ITGA2: variants seen among roughly 807,000 people sequenced by gnomAD.
ITGA2 encodes integrin subunit alpha 2.
Under a neutral mutation model 146.3 loss-of-function variants are expected in ITGA2, and 101 were observed. The observed-to-expected ratio is 0.69, with a 90% CI of 0.59 to 0.81. The LOEUF (loss-of-function observed/expected upper bound fraction) is 0.81, where lower values mean the gene tolerates loss of function less well. Ranked by LOEUF, ITGA2 falls within the 40% of genes least tolerant of loss-of-function variation. ITGA2 has a pLI of 0.00. For synonymous variants in ITGA2, 477 were observed against 487.1 expected, an observed-to-expected ratio of 0.98 and a Z score of 0.27; for missense variants, 1,281 against 1,402.7, an observed-to-expected ratio of 0.91 and a Z score of 1.39.
At chr5:52,991,301 T>G (rs1416261134) in intron 1 of ITGA2, among the ~76,000 whole-genome samples, 1 of 152,158 alleles carries the variant, frequency 6.6e-6, no homozygotes, top group Non-Finnish European at 1.5e-5. Context: ...CAGCATCGTT[T>G]TTTGGTACCA....
intron 1 of ITGA2, among the ~76,000 whole-genome samples, chr5:53,002,619 C>T (rs1741637732): frequency 6.6e-6 from 1 of 152,106 alleles, no homozygotes; most frequent in African/African-American, 2.4e-5. Flanking sequence ...TAGGTTGTTT[C>T]CTGTGGGATA....
intron 2 of ITGA2, among the ~76,000 whole-genome samples, chr5:53,027,800 G>A (rs1342152018): frequency 6.6e-6 from 1 of 152,200 alleles, no homozygotes; most frequent in Non-Finnish European, 1.5e-5. Flanking sequence ...CGTAATGTAT[G>A]GCCAAGTGCA....
intron 2 of ITGA2, among the ~76,000 whole-genome samples, chr5:53,027,448 C>A (rs1192801143): frequency 3.3e-5 from 5 of 152,176 alleles, no homozygotes; most frequent in Non-Finnish European, 4.4e-5. Context: ...TTTTTACATG[C>A]TATGTGATGG....
intron 1 of ITGA2, among the ~76,000 whole-genome samples, chr5:52,991,493 T>C (rs1481999567): frequency 6.6e-6 from 1 of 152,134 alleles, no homozygotes; most frequent in Non-Finnish European, 1.5e-5. Context: ...AAAATTCAAA[T>C]TTAAAAGCTA....
intron 2 of ITGA2, among the ~76,000 whole-genome samples, chr5:53,028,431 C>T (rs889158915): frequency 6.6e-6 from 1 of 152,136 alleles, no homozygotes; most frequent in Non-Finnish European, 1.5e-5. Flanking sequence ...CAAAGATTGG[C>T]AATTATTGTA....
chr5:53,082,243 T>C (rs1017049812), intron 26 of ITGA2, among the ~76,000 whole-genome samples: 3 of 152,188 alleles, frequency 2.0e-5, no homozygotes, highest in Admixed American at 2.0e-4. Context: ...TCGGCACATA[T>C]TAAATATTCA....
chr5:53,087,358 T>G (rs1238680645), intron 28 of ITGA2, among the ~76,000 whole-genome samples: 1 of 152,210 alleles, frequency 6.6e-6, no homozygotes, highest in Admixed American at 6.5e-5. Context: ...TTCTCATGAC[T>G]AAGCCAGCAG....
chr5:53,051,709 C>A, intron 7 of ITGA2, 150 bp downstream of exon 7: 1 of 808,382 alleles, frequency 1.2e-6, no homozygotes, highest in Non-Finnish European at 2.0e-6. Context: ...AACATCAGAG[C>A]ATTCTATGTC....
intron 1 of ITGA2, among the ~76,000 whole-genome samples, chr5:53,010,612 T>G (rs997508779): frequency 6.6e-6 from 1 of 152,174 alleles, no homozygotes; most frequent in Non-Finnish European, 1.5e-5. Flanking sequence ...TTGGGACTTT[T>G]GAGCTGACAA....
intron 27 of ITGA2, among the ~76,000 whole-genome samples, chr5:53,084,013 T>C (rs553624481): frequency 6.6e-6 from 1 of 152,308 alleles, no homozygotes; most frequent in East Asian, 1.9e-4. Context: ...ACTTTCTAAA[T>C]CATCTCAATC....
At chr5:53,057,791 C>G (rs1744710225) in intron 9 of ITGA2, among the ~76,000 whole-genome samples, 1 of 151,824 alleles carries the variant, frequency 6.6e-6, no homozygotes, top group Non-Finnish European at 1.5e-5. Flanking sequence ...AAAGTTAATG[C>G]CAACTTTGAA....
At chr5:53,052,020 G>A (rs1291464385) in intron 7 of ITGA2, among the ~76,000 whole-genome samples, 1 of 151,942 alleles carries the variant, frequency 6.6e-6, no homozygotes, top group Non-Finnish European at 1.5e-5. Flanking sequence ...AACTATACAG[G>A]ACTCTCTTGA....
intron 2 of ITGA2, among the ~76,000 whole-genome samples, chr5:53,039,813 A>T (rs1743694993): frequency 6.6e-6 from 1 of 151,632 alleles, no homozygotes; most frequent in Non-Finnish European, 1.5e-5. Flanking sequence ...CTCTTTTTTA[A>T]ATGATAGCAT....
At chr5:52,995,273 G>A (rs536635698) in intron 1 of ITGA2, among the ~76,000 whole-genome samples, 1 of 152,288 alleles carries the variant, frequency 6.6e-6, no homozygotes, top group East Asian at 1.9e-4. Context: ...GCAGGGGAGT[G>A]ACATGATCAG....
At chr5:53,049,379 A>C (rs893539831) in intron 6 of ITGA2, among the ~76,000 whole-genome samples, 1 of 152,166 alleles carries the variant, frequency 6.6e-6, no homozygotes, top group Non-Finnish European at 1.5e-5. Context: ...TTACATTTTA[A>C]AATTCAATAT....
At chr5:53,079,472 T>C (rs1435099803) in intron 24 of ITGA2, among the ~76,000 whole-genome samples, 1 of 152,182 alleles carries the variant, frequency 6.6e-6, no homozygotes, top group Non-Finnish European at 1.5e-5. Flanking sequence ...TAAAGATTAC[T>C]ACCAGTTAAA....
chr5:53,077,984 G>A (rs1456572446), intron 23 of ITGA2, among the ~76,000 whole-genome samples: 1 of 151,970 alleles, frequency 6.6e-6, no homozygotes, highest in African/African-American at 2.4e-5. Flanking sequence ...AGCTACCCTG[G>A]TTGGAATCCC....
Position 53,026,734 on chromosome 5 carries a change from A to G in ITGA2, c.65-14A>G, listed in dbSNP as rs780202927. ...GAATTGTAAATATGTGCTATTTCAT[A>G]TTTTTCTTAATAGGCATTTTAAATT... On this transcript the variant is annotated splice_polypyrimidine_tract_variant and intron_variant, in intron 1 of 29. Transcript: ENST00000296585. 114 of 1,603,700 alleles carry G rather than the reference A, an allele frequency of 7.1e-5. No homozygotes were observed. Among genetic ancestry groups the G allele is most frequent in the Non-Finnish European group, 9.7e-5 (114 of 1,170,908 alleles).
At chr5:53,034,332 C>A (rs1228093916) in intron 2 of ITGA2, among the ~76,000 whole-genome samples, 3 of 151,926 alleles carry the variant, frequency 2.0e-5, no homozygotes, top group Admixed American at 2.0e-4. Flanking sequence ...ATGACAACCC[C>A]CCAAGAGGCG....
Sources: allele counts gnomAD v4.1 joint callset (sites outside exome capture counted in the v4.1 genomes callset), GRCh38; gene constraint gnomAD v4.1.1; transcripts MANE v1.5; gene names NCBI Gene and HGNC (gene_info 2026-07-23, HGNC 2026-07-21).